INPP5A: variants seen among roughly 807,000 people sequenced by gnomAD.
INPP5A encodes inositol polyphosphate-5-phosphatase A.
In INPP5A, 14 loss-of-function variants were observed where a neutral mutation model predicts 65.2. The observed-to-expected ratio is 0.21, with a 90% CI of 0.14 to 0.34. INPP5A has a LOEUF of 0.34. Ranked by LOEUF, INPP5A falls within the 10% of genes least tolerant of loss-of-function variation. INPP5A has a pLI of 1.00. For synonymous variants in INPP5A, 207 were observed against 208.3 expected, an observed-to-expected ratio of 0.99 and a Z score of 0.05; for missense variants, 431 against 545.6, an observed-to-expected ratio of 0.79 and a Z score of 2.09.
rs115000500 is a variant in INPP5A at position 132,549,886 on chromosome 10, G to A, written c.75+11715G>A. Among the ~76,000 whole-genome samples, 537 of 151,920 alleles carry A rather than the reference G, an allele frequency of 3.5e-3. 4 individuals carry two copies. Among genetic ancestry groups the A allele is most frequent in the African/African-American group, 0.012 (488 of 41,358 alleles). The stretch of plus-strand genomic sequence containing the variant: ...GCCTCAAATTATTAACCAGGCATTA[G>A]GGGATGGGGTCAGCCTCGAGTTACT... On this transcript the variant is annotated intron_variant, in intron 1 of 15. Coordinates refer to ENST00000368594, the MANE Select transcript of INPP5A (RefSeq NM_005539.5). This position sits in a 1 kb window ranked among gnomAD's most constrained non-coding sequence, Gnocchi z 4.9.
chr10:132,718,935 C>A (rs1019800461), intron 8 of INPP5A, among the ~76,000 whole-genome samples: 1 of 148,712 alleles, frequency 6.7e-6, no homozygotes, highest in Non-Finnish European at 1.5e-5. Context: ...TCTGTGGTAC[C>A]TGGGTTCTGT....
At chr10:132,649,739 G>A (rs1456739209) in intron 3 of INPP5A, among the ~76,000 whole-genome samples, 2 of 152,208 alleles carry the variant, frequency 1.3e-5, no homozygotes, top group African/African-American at 2.4e-5. Flanking sequence ...GGGCCAGGCA[G>A]ACGGGGCCTC....
chr10:132,710,277 C>T (rs757447222), intron 7 of INPP5A, 60 bp from the exon 8 acceptor site: 13 of 1,581,258 alleles, frequency 8.2e-6, no homozygotes, highest in Admixed American at 5.3e-5. Flanking sequence ...CTTGGGAGAA[C>T]GAAGTGTGAC....
chr10:132,566,757 C>T (rs965077967), intron 1 of INPP5A, among the ~76,000 whole-genome samples: 4 of 152,108 alleles, frequency 2.6e-5, no homozygotes, highest in African/African-American at 7.2e-5. Flanking sequence ...CAGGCATTTC[C>T]ACTAGTGTCA....
At chr10:132,664,773 A>G (rs1469291425) in intron 4 of INPP5A, among the ~76,000 whole-genome samples, 1 of 152,104 alleles carries the variant, frequency 6.6e-6, no homozygotes, top group East Asian at 1.9e-4. Context: ...TTTGAAAACC[A>G]CCCATCCTTC....
chr10:132,752,413 G>A (rs557939593), intron 11 of INPP5A, among the ~76,000 whole-genome samples: 1 of 151,056 alleles, frequency 6.6e-6, no homozygotes, highest in East Asian at 2.0e-4. Context: ...GTGGAGTGGG[G>A]TGCGGCATGG....
intron 3 of INPP5A, among the ~76,000 whole-genome samples, chr10:132,646,436 A>T (rs541378137): frequency 6.6e-6 from 1 of 152,148 alleles, no homozygotes; most frequent in South Asian, 2.1e-4. Context: ...GGCTTCTGAC[A>T]GGGCCGGCCC....
chr10:132,765,824 C>G lies in INPP5A; in HGVS notation c.955C>G (p.Leu319Val). ...LSVFKDRLYE[L>V]DISFPPSYPY... ...TGTCTTTAAGGACAGACTGTATGAA[C>G]TGGACATCTCGTTCCCTCCCAGGTA... Residue 319 changes from leucine to valine, a missense_variant, in exon 12 of 16, where the codon CTG (leucine) becomes GTG (valine). By Grantham distance (32) the Leu-to-Val change is conservative (BLOSUM62 1). Coordinates refer to ENST00000368594, the MANE Select transcript of INPP5A (RefSeq NM_005539.5). 6.2e-7 allele frequency: 1 copy of G among 1,602,926 alleles called. No individual in the cohort carries two copies. Among genetic ancestry groups the G allele is most frequent in the Non-Finnish European group, 8.5e-7 (1 of 1,169,800 alleles).
chr10:132,766,640 G>A (rs1846850506), intron 12 of INPP5A, among the ~76,000 whole-genome samples: 1 of 152,172 alleles, frequency 6.6e-6, no homozygotes, highest in African/African-American at 2.4e-5. Context: ...TGTGACGTGT[G>A]TAGGGCTCAT....
rs1392390636 is a variant in INPP5A at position 132,644,646 on chromosome 10, G to A, written c.118-1222G>A. 6.6e-6 allele frequency among the ~76,000 whole-genome samples: 1 copy of A among 152,168 alleles called. No individual in the cohort carries two copies. On this transcript the variant is annotated intron_variant, in intron 2 of 15. Transcript: ENST00000368594. The surrounding 1 kb of genome is among the most constrained non-coding windows in gnomAD (Gnocchi z 6.5). ...CGGCCCCTTCTCTCCCCGCCTTTCC[G>A]CTCCTCCAAGGAAGCTCGTCCTTTT...
At chr10:132,702,367 C>T (rs1845450957) in intron 6 of INPP5A, among the ~76,000 whole-genome samples, 1 of 152,170 alleles carries the variant, frequency 6.6e-6, no homozygotes, top group African/African-American at 2.4e-5. Flanking sequence ...TTCTCCATTA[C>T]TGTGGAAAAC....
In INPP5A at chr10:132,551,412, G is replaced by C. The variant is rs1276897298; in HGVS notation, c.75+13241G>C. Among the ~76,000 whole-genome samples, 1 of 152,184 alleles carries C rather than the reference G, an allele frequency of 6.6e-6. No individual in the cohort carries two copies. ...TGCAGCGTCCCTCCAGGTGGTCGGG[G>C]GACACCGGGCTTCTGGGTCAGCAAG... On this transcript the variant is annotated intron_variant, in intron 1 of 15. Coordinates refer to ENST00000368594, the MANE Select transcript of INPP5A (RefSeq NM_005539.5). This position sits in a 1 kb window ranked among gnomAD's most constrained non-coding sequence, Gnocchi z 5.3.
intron 8 of INPP5A, among the ~76,000 whole-genome samples, chr10:132,719,022 C>G (rs1329305813): frequency 8.6e-6 from 1 of 115,822 alleles, no homozygotes. Context: ...GACTGTCTTG[C>G]GGGTTCTGTG....
In INPP5A at chr10:132,698,633, C is replaced by T. The variant is rs185160689; in HGVS notation, c.474+714C>T. 1.1e-3 allele frequency among the ~76,000 whole-genome samples: 164 copies of T among 152,352 alleles called. No homozygotes were observed. The highest frequency in any genetic ancestry group is 3.7e-3 in the African/African-American group (155 of 41,566). ...GTCGAGGCAGCGTTTGCTGCTTTGC[C>T]CTTCCTCATCTGCTGAATCACAGTG... On this transcript the variant is annotated intron_variant, in intron 6 of 15. Transcript: ENST00000368594. This position sits in a 1 kb window ranked among gnomAD's most constrained non-coding sequence, Gnocchi z 5.5.
intron 9 of INPP5A, among the ~76,000 whole-genome samples, chr10:132,734,430 A>G (rs1366536560): frequency 2.0e-5 from 3 of 152,150 alleles, no homozygotes; most frequent in Admixed American, 6.5e-5. Context: ...ATCAGGAGGA[A>G]TTGGAGCGTG....
chr10:132,751,289 A>T (rs1846471869), intron 11 of INPP5A, among the ~76,000 whole-genome samples: 1 of 151,930 alleles, frequency 6.6e-6, no homozygotes, highest in African/African-American at 2.4e-5. Context: ...CCTTTCCCCC[A>T]CTGGGGTCGG....
chr10:132,569,904 G>A (rs1320434181), intron 1 of INPP5A, among the ~76,000 whole-genome samples: 341 of 89,668 alleles, frequency 3.8e-3, no homozygotes, highest in Middle Eastern at 0.036. Context: ...CACTCACCTC[G>A]GCCTCCCAAA....
chr10:132,759,523 C>T (rs1289623544), intron 11 of INPP5A, among the ~76,000 whole-genome samples: 1 of 152,144 alleles, frequency 6.6e-6, no homozygotes, highest in African/African-American at 2.4e-5. Context: ...GGGCTTCGCT[C>T]GCTGCTGTGC....
At chr10:132,631,363 C>T (rs1176513443) in intron 2 of INPP5A, among the ~76,000 whole-genome samples, 4 of 152,188 alleles carry the variant, frequency 2.6e-5, no homozygotes, top group African/African-American at 9.7e-5. Flanking sequence ...CAGCCCAGCC[C>T]CGAAGGGACC....
Sources: allele counts gnomAD v4.1 joint callset (sites outside exome capture counted in the v4.1 genomes callset), GRCh38; gene constraint gnomAD v4.1.1; non-coding constraint Gnocchi (gnomAD v3.1); transcripts MANE v1.5; gene names NCBI Gene and HGNC (gene_info 2026-07-23, HGNC 2026-07-21).